PRDM16: variants seen among roughly 807,000 people sequenced by gnomAD.
The protein encoded by PRDM16 is histone-lysine N-methyltransferase PRDM16.
A neutral mutation model predicts 110.6 loss-of-function variants in PRDM16; 23 were observed. The ratio of observed to expected loss-of-function variants is 0.21; its 90% confidence interval spans 0.15 to 0.29. PRDM16 has a LOEUF of 0.29. Ranked by LOEUF, PRDM16 falls within the 10% of genes least tolerant of loss-of-function variation. PRDM16 has a pLI of 1.00. For synonymous variants in PRDM16, 799 were observed against 781.8 expected (o/e 1.02, Z -0.37); for missense variants, 1,615 against 1,794.3 (o/e 0.90, Z 1.81).
chr1:3,425,331 G>A lies in PRDM16; in HGVS notation c.2940-250G>A. 1 of 373,808 alleles carries A rather than the reference G, an allele frequency of 2.7e-6. No homozygotes were observed. Among genetic ancestry groups the A allele is most frequent in the Non-Finnish European group, 4.9e-6 (1 of 205,196 alleles). 23.2% of individuals were successfully genotyped at this position (373,808 alleles called of 1,614,324 possible). A position where few individuals can be genotyped will look rare whatever the true frequency, so the allele number is the denominator to read the frequency against. ...CTGACCTCGTGATCCACCCGCCTTG[G>A]CCTCCCAAAGTGCTGTGATTATAGG... On this transcript the variant is annotated intron_variant, in intron 12 of 16. Transcript: ENST00000270722. This position sits in a 1 kb window ranked among gnomAD's most constrained non-coding sequence, Gnocchi z 6.9.
rs1225247827 is a variant in PRDM16 at position 3,411,850 on chromosome 1, G to A, written c.1653G>A (p.Leu551=). The part of the protein sequence containing the change: ...HTQDAKLPSP[L]GNPALPLVSA... Reference sequence around the variant, plus strand: ...AGGACGCCAAGCTCCCCAGTCCCCTGGGGAACCCAGCCCTGCCCCTGGTCT... The same window carrying A: ...AGGACGCCAAGCTCCCCAGTCCCCTAGGGAACCCAGCCCTGCCCCTGGTCT... Residue 551 remains leucine (L), a synonymous_variant, in exon 9 of 17, where the codon CTG becomes CTA. Transcript: ENST00000270722. The A allele has an allele frequency of 3.7e-6, 6 of 1,611,494 alleles. No homozygotes were observed. The highest frequency in any genetic ancestry group is 5.1e-6 in the Non-Finnish European group (6 of 1,178,712).
At chr1:3,090,445 C>G (rs148417904) in intron 1 of PRDM16, among the ~76,000 whole-genome samples, 2 of 152,388 alleles carry the variant, frequency 1.3e-5, no homozygotes, top group East Asian at 3.9e-4. Context: ...TGAGCCTGCG[C>G]ACACAGGCCG....
intron 1 of PRDM16, among the ~76,000 whole-genome samples, chr1:3,144,793 G>T (rs868724819): frequency 1.3e-5 from 2 of 152,168 alleles, no homozygotes; most frequent in Non-Finnish European, 2.9e-5. Flanking sequence ...TCTCAAGAAT[G>T]CCCTGAGACC....
chr1:3,325,636 C>T lies in PRDM16; in HGVS notation c.439-59516C>T, dbSNP rs886700677. 3.9e-5 allele frequency among the ~76,000 whole-genome samples: 6 copies of T among 152,326 alleles called. No homozygotes were observed. In the East Asian group the frequency reaches 5.8e-4, roughly 15 times the overall value. ...GTGTGCTCTCACAGTTCTACAGACC[C>T]GAAGCCTGAGATCCAGGGGAGGTCA... On this transcript the variant is annotated intron_variant, in intron 3 of 16. Coordinates refer to ENST00000270722, the MANE Select transcript of PRDM16 (RefSeq NM_022114.4).
At chr1:3,134,954 A>AGGGGAGCTGCC (rs931523619) in intron 1 of PRDM16, among the ~76,000 whole-genome samples, 3 of 152,232 alleles carry the variant, frequency 2.0e-5, no homozygotes, top group South Asian at 4.1e-4. Flanking sequence ...CTGGCCTGGT[A>AGGGGAGCTGCC]GGGGAGCTGC....
At position 3,143,906 on chromosome 1, in the gene PRDM16, G is replaced by A. The variant is rs1178958277; in HGVS notation, c.38-42219G>A. ...GGGACTGGCAAGCTTGGGGTTCCTGGGGCATCTTGTCATGTGTTAGTCGTA... is the reference window on the plus strand; with the variant it reads ...GGGACTGGCAAGCTTGGGGTTCCTGAGGCATCTTGTCATGTGTTAGTCGTA... On this transcript the variant is annotated intron_variant, in intron 1 of 16. Transcript: ENST00000270722. This position sits in a 1 kb window ranked among gnomAD's most constrained non-coding sequence, Gnocchi z 4.5. 1.3e-5 allele frequency among the ~76,000 whole-genome samples: 2 copies of A among 152,194 alleles called. No individual in the cohort carries two copies. The highest frequency in any genetic ancestry group is 2.9e-5 in the Non-Finnish European group (2 of 68,028).
chr1:3,076,800 C>G (rs934283982), intron 1 of PRDM16, among the ~76,000 whole-genome samples: 7 of 152,240 alleles, frequency 4.6e-5, no homozygotes, highest in Admixed American at 2.6e-4. Context: ...CCTGTCCCTC[C>G]TTAGCCTTCC....
intron 1 of PRDM16, among the ~76,000 whole-genome samples, chr1:3,114,193 G>GCACACGCACGCA (rs1553127278): frequency 1.9e-5 from 2 of 106,216 alleles, no homozygotes; most frequent in Admixed American, 1.0e-4. Flanking sequence ...ACGCACACAC[G>GCACACGCACGCA]CACACGCACG....
At chr1:3,430,742 C>G (rs1638741638) in intron 14 of PRDM16, 130 bp from the exon 15 acceptor site, 2 of 1,113,752 alleles carry the variant, frequency 1.8e-6, no homozygotes, top group Non-Finnish European at 2.7e-6. Flanking sequence ...CCCGCGGGAG[C>G]TCCCTCAGGA....
At chr1:3,348,070 G>T (rs559750372) in intron 3 of PRDM16, among the ~76,000 whole-genome samples, 8 of 152,302 alleles carry the variant, frequency 5.3e-5, no homozygotes, top group African/African-American at 1.9e-4. Context: ...GTCGGAGCAC[G>T]GGGCAGCCTG....
intron 3 of PRDM16, among the ~76,000 whole-genome samples, chr1:3,257,880 G>A (rs1264294370): frequency 6.6e-6 from 1 of 152,166 alleles, no homozygotes; most frequent in African/African-American, 2.4e-5. Context: ...CCTACAGTGG[G>A]AGGAGGTGAG....
intron 3 of PRDM16, among the ~76,000 whole-genome samples, chr1:3,293,223 C>G (rs908184646): frequency 6.6e-6 from 1 of 152,186 alleles, no homozygotes; most frequent in East Asian, 1.9e-4. Flanking sequence ...GATCCTAAGT[C>G]GGGGCGAGGG....
intron 3 of PRDM16, among the ~76,000 whole-genome samples, chr1:3,323,207 G>A (rs1165354637): frequency 2.0e-5 from 3 of 152,190 alleles, no homozygotes; most frequent in Admixed American, 6.5e-5. Context: ...CACCCCACCC[G>A]TACCCTCAGG....
intron 3 of PRDM16, among the ~76,000 whole-genome samples, chr1:3,264,790 G>A (rs868396751): frequency 8.3e-4 from 126 of 152,256 alleles, no homozygotes; most frequent in African/African-American, 2.7e-3. Flanking sequence ...CAAGGGCAGA[G>A]GGGCTTGGAC....
chr1:3,371,999 C>T (rs1395943064), intron 3 of PRDM16, among the ~76,000 whole-genome samples: 4 of 152,240 alleles, frequency 2.6e-5, no homozygotes, highest in Non-Finnish European at 5.9e-5. Context: ...GATGAGAAGA[C>T]TCTGAGCTGC....
intron 1 of PRDM16, among the ~76,000 whole-genome samples, chr1:3,127,721 C>T (rs928211094): frequency 1.3e-5 from 2 of 152,250 alleles, no homozygotes; most frequent in Non-Finnish European, 2.9e-5. Context: ...TGCAGAGGCC[C>T]GGCCTGAATC....
chr1:3,089,760 G>A (rs755423327), intron 1 of PRDM16, among the ~76,000 whole-genome samples: 3 of 152,332 alleles, frequency 2.0e-5, no homozygotes, highest in South Asian at 2.1e-4. Flanking sequence ...CTTGCATCCC[G>A]AGGCCGGGTC....
intron 3 of PRDM16, among the ~76,000 whole-genome samples, chr1:3,313,308 C>T (rs1306000328): frequency 6.6e-6 from 1 of 152,222 alleles, no homozygotes; most frequent in Non-Finnish European, 1.5e-5. Flanking sequence ...GATGAGTCAG[C>T]GCCGAGCGGT....
At chr1:3,195,727 C>T (rs1638457319) in intron 2 of PRDM16, among the ~76,000 whole-genome samples, 2 of 152,198 alleles carry the variant, frequency 1.3e-5, no homozygotes, top group South Asian at 2.1e-4. Context: ...GGGAGAAGGG[C>T]TTCTGCGTGG....
Sources: allele counts gnomAD v4.1 joint callset (sites outside exome capture counted in the v4.1 genomes callset), GRCh38; gene constraint gnomAD v4.1.1; non-coding constraint Gnocchi (gnomAD v3.1); transcripts MANE v1.5; gene names NCBI Gene and HGNC (gene_info 2026-07-23, HGNC 2026-07-21).